Variants in COL22A1 observed in about 807,000 individuals in gnomAD.
COL22A1 encodes collagen type XXII alpha 1 chain.
A neutral mutation model predicts 248.9 loss-of-function variants in COL22A1; 221 were observed. The ratio of observed to expected loss-of-function variants is 0.89; its 90% CI spans 0.80 to 0.99. The LOEUF is 0.99. Ranked by LOEUF, COL22A1 falls within the 50% of genes least tolerant of loss-of-function variation. The pLI, the probability that COL22A1 is intolerant of heterozygous loss-of-function variation, is 0.00. For synonymous variants in COL22A1, 891 were observed against 793.4 expected (o/e 1.12, Z -2.07); for missense variants, 2,240 against 2,179.0 (o/e 1.03, Z -0.56).
chr8:138,671,170 G>T (rs373661848), intron 41 of COL22A1, among the ~76,000 whole-genome samples: 2 of 152,120 alleles, frequency 1.3e-5, no homozygotes. Context: ...CAGTGGCCTA[G>T]AAATACTGAA....
chr8:138,836,328 G>A (rs964386929), intron 4 of COL22A1, among the ~76,000 whole-genome samples: 3 of 152,144 alleles, frequency 2.0e-5, no homozygotes, highest in Admixed American at 6.6e-5. Flanking sequence ...AAAAGGAAAA[G>A]GAAAAGACCA....
At chr8:138,737,729 T>C in intron 22 of COL22A1, 152 bp from the exon 23 acceptor site, 1 of 604,002 alleles carries the variant, frequency 1.7e-6, no homozygotes, top group Non-Finnish European at 3.0e-6. Context: ...AGAGGAACAA[T>C]GTGGGATCAG....
intron 23 of COL22A1, among the ~76,000 whole-genome samples, chr8:138,736,753 G>C (rs1831141882): frequency 1.3e-5 from 2 of 152,130 alleles, no homozygotes; most frequent in African/African-American, 4.8e-5. Context: ...AGGAGGAGGA[G>C]GCAGAGAATC....
chr8:138,630,877 T>C lies in COL22A1; in HGVS notation c.3610-129A>G, dbSNP rs1820664551. 3.6e-6 allele frequency: 3 copies of C among 822,006 alleles called. No individual in the cohort carries two copies. In the East Asian group the frequency reaches 7.4e-5, roughly 20 times the overall value. The allele number at this position is 822,006 out of a possible 1,614,324, so 50.9% of individuals were successfully genotyped here. On this transcript the variant is annotated intron_variant, in intron 49 of 64. Coordinates refer to ENST00000303045, the MANE Select transcript of COL22A1 (RefSeq NM_152888.3). ...CCCCTCCAAATCTCATGTTGAAATG[T>C]GATTCCCAATATTGTAGGTGGGCCC...
chr8:138,821,469 GAA>G, intron 6 of COL22A1, 58 bp from the exon 7 acceptor site: 1 of 1,548,928 alleles, frequency 6.5e-7, no homozygotes, highest in African/African-American at 1.4e-5. Flanking sequence ...GAAAAGGAGA[GAA>G]TGGGAAACGG....
At chr8:138,673,271 C>T (rs1038006485) in intron 41 of COL22A1, among the ~76,000 whole-genome samples, 16 of 148,726 alleles carry the variant, frequency 1.1e-4, no homozygotes, top group Admixed American at 8.1e-4. Context: ...AGTACAGTGG[C>T]GGATCTCAGC....
chr8:138,807,553 A>T (rs190112896), intron 10 of COL22A1, among the ~76,000 whole-genome samples: 105 of 152,338 alleles, frequency 6.9e-4, no homozygotes, highest in African/African-American at 2.2e-3. Context: ...TTTCTTGCTC[A>T]TATTTGCAGA....
chr8:138,787,661 C>T (rs761656716), intron 12 of COL22A1, among the ~76,000 whole-genome samples: 3 of 152,210 alleles, frequency 2.0e-5, no homozygotes, highest in Non-Finnish European at 4.4e-5. Context: ...CTGCAGAAGA[C>T]AACCAAGGCT....
chr8:138,777,284 C>T (rs1165388332), intron 15 of COL22A1, among the ~76,000 whole-genome samples: 2 of 152,182 alleles, frequency 1.3e-5, no homozygotes, highest in South Asian at 2.1e-4. Flanking sequence ...AAGACGCCGT[C>T]CTAAAGAGCA....
chr8:138,781,829 C>A (rs959170702), intron 12 of COL22A1, among the ~76,000 whole-genome samples: 1 of 152,202 alleles, frequency 6.6e-6, no homozygotes, highest in African/African-American at 2.4e-5. Flanking sequence ...TGGCACTGAG[C>A]AAGGCTGCGC....
intron 23 of COL22A1, among the ~76,000 whole-genome samples, chr8:138,728,911 C>G (rs1027886625): frequency 6.6e-6 from 1 of 152,074 alleles, no homozygotes; most frequent in Non-Finnish European, 1.5e-5. Flanking sequence ...GGGCATGACT[C>G]GTCCAGGCCA....
intron 40 of COL22A1, among the ~76,000 whole-genome samples, chr8:138,677,844 A>C (rs181815615): frequency 6.6e-6 from 1 of 152,374 alleles, no homozygotes; most frequent in East Asian, 1.9e-4. Context: ...GTCAAGCTTG[A>C]GGCCAAGACG....
rs368271751 is a variant in COL22A1 at position 138,662,039 on chromosome 8, G to A, written c.3231C>T (p.Ala1077=). 3.1e-5 allele frequency: 50 copies of A among 1,611,598 alleles called. No individual in the cohort carries two copies. The highest frequency in any genetic ancestry group is 4.0e-5 in the Non-Finnish European group (47 of 1,178,886). The change falls in exon 43 of 65, where the codon GCC becomes GCT. Residue 1077 remains alanine (A), a synonymous_variant. Transcript: ENST00000303045. ...ATTTCTCTGTACTTACGTCCCGGCCGGCTGGGCCCTGGGGGCCAGGGAATC... is the reference window on the plus strand; with the variant it reads ...ATTTCTCTGTACTTACGTCCCGGCCAGCTGGGCCCTGGGGGCCAGGGAATC... The part of the protein sequence containing the change: ...LPGFPGPQGP[A]GRDGAPGNPG...
At chr8:138,831,767 T>C (rs1193711164) in intron 5 of COL22A1, among the ~76,000 whole-genome samples, 1 of 145,320 alleles carries the variant, frequency 6.9e-6, no homozygotes, top group Non-Finnish European at 1.5e-5. Flanking sequence ...CCTGGCCTTT[T>C]AGTTTACTAA....
At chr8:138,822,318 G>C (rs757422651) in intron 6 of COL22A1, among the ~76,000 whole-genome samples, 1 of 152,112 alleles carries the variant, frequency 6.6e-6, no homozygotes, top group Non-Finnish European at 1.5e-5. Flanking sequence ...TCAAAGTGCT[G>C]GGATTACTGA....
intron 47 of COL22A1, among the ~76,000 whole-genome samples, chr8:138,639,773 A>G (rs1262248672): frequency 6.6e-6 from 1 of 152,232 alleles, no homozygotes; most frequent in South Asian, 2.1e-4. Flanking sequence ...TCTCTTTGAA[A>G]TAGAATCAGC....
intron 25 of COL22A1, 190 bp from the exon 26 acceptor site, chr8:138,722,279 C>T (rs1829925681): frequency 3.4e-6 from 2 of 588,750 alleles, no homozygotes; most frequent in Admixed American, 3.3e-5. Context: ...CCCTTTGTTA[C>T]TACTGAAGCA....
chr8:138,757,038 C>A (rs570633220), intron 18 of COL22A1, among the ~76,000 whole-genome samples: 1 of 152,234 alleles, frequency 6.6e-6, no homozygotes, highest in Non-Finnish European at 1.5e-5. Flanking sequence ...AGTACCCCTG[C>A]ACACACGTGC....
rs925014697 is a variant in COL22A1 at position 138,626,273 on chromosome 8, G to A, written c.3664-30C>T. 4 of 1,576,712 alleles carry A rather than the reference G, an allele frequency of 2.5e-6. No homozygotes were observed. In the Admixed American group the frequency reaches 5.1e-5, roughly 20 times the overall value. On this transcript the variant is annotated intron_variant, in intron 50 of 64. Coordinates refer to ENST00000303045, the MANE Select transcript of COL22A1 (RefSeq NM_152888.3). ...AAGATCCAAGACATAAAAACACCAT[G>A]AAACCTCTGCTGGCTTTTCTGGAAG...
Sources: gnomAD v4.1 joint callset for allele counts (sites outside exome capture counted in the v4.1 genomes callset) on GRCh38, gnomAD v4.1.1 for gene constraint, MANE v1.5 for transcripts, NCBI Gene and HGNC (gene_info 2026-07-23, HGNC 2026-07-21) for gene names.